TRPM1: variants seen among roughly 807,000 people sequenced by gnomAD.
TRPM1 encodes the protein TRPM1-203 APA Isoform, Intron 10.
A neutral mutation model predicts 149.4 loss-of-function variants in TRPM1; 113 were observed. The ratio of observed to expected loss-of-function variants is 0.76; its 90% CI spans 0.65 to 0.88. The LOEUF (loss-of-function observed/expected upper bound fraction) is 0.88. TRPM1 is among the 40% of genes least tolerant of loss of function. TRPM1 has a pLI of 0.00. For synonymous variants in TRPM1, 741 were observed against 759.5 expected (o/e 0.98, Z 0.40); for missense variants, 1,976 against 2,038.7 (o/e 0.97, Z 0.59).
chr15:31,030,372 C>T (rs1375238968), intron 23 of TRPM1, among the ~76,000 whole-genome samples: 1 of 152,156 alleles, frequency 6.6e-6, no homozygotes, highest in African/African-American at 2.4e-5. Flanking sequence ...AAATAGTGTA[C>T]AAGAACATTT....
intron 8 of TRPM1, 70 bp downstream of exon 8, chr15:31,063,048 T>C: frequency 6.3e-7 from 1 of 1,593,526 alleles, no homozygotes; most frequent in South Asian, 1.1e-5. Flanking sequence ...CAGACCACTT[T>C]AGATTTTCTC....
rs756735016 is a variant in TRPM1, at chr15:31,047,173, G to A, written c.1702C>T (p.Arg568Cys). The stretch of plus-strand genomic sequence containing the variant: ...AAGTTTTTCCGAGTGTAGTTGCAGC[G>A]GTAGGCTCCTCCCATGAGGTACTCC... ...VLEYLMGGAY[R>C]CNYTRKNFRT... is the part of the protein sequence containing the mutation. Residue 568 changes from arginine (R) to cysteine (C), a missense_variant, in exon 15 of 28, where the codon CGC becomes TGC. Around this residue, in one of 3 missense-constraint regions of TRPM1, gnomAD observed 1,332 missense variants for 1,347.1 expected, o/e 0.99. Coordinates refer to ENST00000256552, the MANE Select transcript of TRPM1 (RefSeq NM_001252024.2). The A allele has an allele frequency of 2.5e-6, 4 of 1,614,190 alleles. No homozygotes were observed. The highest frequency in any genetic ancestry group is 2.2e-5 in the South Asian group (2 of 91,084).
At chr15:31,007,603 A>G (rs1292604741) in intron 27 of TRPM1, among the ~76,000 whole-genome samples, 1 of 151,678 alleles carries the variant, frequency 6.6e-6, no homozygotes, top group African/African-American at 2.4e-5. Context: ...GGAGTTTGAG[A>G]CCAGCCTGGG....
chr15:31,109,604 G>C (rs541278741), intron 1 of TRPM1, among the ~76,000 whole-genome samples: 4 of 150,578 alleles, frequency 2.7e-5, no homozygotes, highest in Non-Finnish European at 4.4e-5. Flanking sequence ...GGAGGCTGAG[G>C]CAGGAGAATC....
At chr15:31,094,881 C>A (rs1054724324) in intron 1 of TRPM1, among the ~76,000 whole-genome samples, 1 of 152,066 alleles carries the variant, frequency 6.6e-6, no homozygotes, top group East Asian at 1.9e-4. Flanking sequence ...GGTATATACC[C>A]AAGAGAAATG....
At chr15:31,069,728 T>C in intron 4 of TRPM1, 1 of 1,425,742 alleles carries the variant, frequency 7.0e-7, no homozygotes, top group Non-Finnish European at 9.1e-7. Flanking sequence ...GAATTTGTCT[T>C]CCTTTACTGA....
chr15:31,009,780 T>A (rs1039253556), intron 27 of TRPM1, among the ~76,000 whole-genome samples: 6 of 152,232 alleles, frequency 3.9e-5, no homozygotes, highest in African/African-American at 1.4e-4. Flanking sequence ...TGTAATATCT[T>A]CAAGTTTACT....
intron 1 of TRPM1, among the ~76,000 whole-genome samples, chr15:31,142,752 G>A (rs1309827797): frequency 6.6e-6 from 1 of 151,920 alleles, no homozygotes; most frequent in Non-Finnish European, 1.5e-5. Flanking sequence ...ACTCCAGAAG[G>A]GCCCCTGGAA....
At chr15:31,140,511 G>A (rs2036148155) in intron 1 of TRPM1, among the ~76,000 whole-genome samples, 1 of 152,194 alleles carries the variant, frequency 6.6e-6, no homozygotes, top group Non-Finnish European at 1.5e-5. Flanking sequence ...GTGGTAATGA[G>A]TGAGTTCTTG....
At chr15:31,155,303 G>C (rs1472071396) in intron 1 of TRPM1, among the ~76,000 whole-genome samples, 1 of 152,212 alleles carries the variant, frequency 6.6e-6, no homozygotes. Context: ...CAGTTGCTCT[G>C]AAGAGTGGGA....
intron 1 of TRPM1, among the ~76,000 whole-genome samples, chr15:31,086,523 T>A (rs1017415525): frequency 6.6e-6 from 1 of 152,170 alleles, no homozygotes; most frequent in Non-Finnish European, 1.5e-5. Context: ...ACCAGGGACA[T>A]GATGTGCCCT....
chr15:31,139,196 G>A (rs2036127607), intron 1 of TRPM1, among the ~76,000 whole-genome samples: 1 of 152,182 alleles, frequency 6.6e-6, no homozygotes, highest in Admixed American at 6.5e-5. Flanking sequence ...AAAAAGGCAG[G>A]CATATCAGAA....
At position 31,041,935 on chromosome 15, in the gene TRPM1, C is replaced by G; in HGVS notation, c.2087+16G>C. 6.2e-7 allele frequency: 1 copy of G among 1,614,050 alleles called. No individual in the cohort carries two copies. Among genetic ancestry groups the G allele is most frequent in the Non-Finnish European group, 8.5e-7 (1 of 1,179,988 alleles). On this transcript the variant is annotated intron_variant, in intron 17 of 27. Coordinates refer to ENST00000256552, the MANE Select transcript of TRPM1 (RefSeq NM_001252024.2). ...GGTCATCTCTCCTGGCCTTTAAATC[C>G]CCGCTAGACACTAACTTGGAATTGT...
At chr15:31,102,884 G>C (rs1686300847), upstream of TRPM1, among the ~76,000 whole-genome samples, 2 of 152,238 alleles carry the variant, frequency 1.3e-5, no homozygotes, top group Admixed American at 1.3e-4. Context: ...CCCTGGCCTG[G>C]CTCCCGAGTC....
At chr15:31,088,439 A>G (rs942717608) in intron 1 of TRPM1, among the ~76,000 whole-genome samples, 2 of 152,212 alleles carry the variant, frequency 1.3e-5, no homozygotes, top group East Asian at 1.9e-4. Context: ...AAGAGCTGTA[A>G]CACTGACTGT....
At chr15:31,137,763 T>G (rs1303149346) in intron 1 of TRPM1, among the ~76,000 whole-genome samples, 1 of 152,148 alleles carries the variant, frequency 6.6e-6, no homozygotes, top group Non-Finnish European at 1.5e-5. Flanking sequence ...TTGCCTATAT[T>G]CTCAGAAGAA....
At chr15:31,074,307 C>T (rs534227343) in intron 3 of TRPM1, among the ~76,000 whole-genome samples, 36 of 152,144 alleles carry the variant, frequency 2.4e-4, no homozygotes, top group Non-Finnish European at 3.7e-4. Flanking sequence ...TAGAATTCAT[C>T]GAAAAAGCCA....
chr15:31,070,318 G>T, intron 3 of TRPM1, 92 bp from the exon 4 acceptor site: 1 of 1,243,842 alleles, frequency 8.0e-7, no homozygotes, highest in Non-Finnish European at 1.2e-6. Context: ...AGGTGAGTTG[G>T]GCCCAAACAG....
At chr15:31,158,202 T>A (rs1009730681) in intron 1 of TRPM1, among the ~76,000 whole-genome samples, 4 of 152,172 alleles carry the variant, frequency 2.6e-5, no homozygotes, top group South Asian at 2.1e-4. Flanking sequence ...TACAAGTTTT[T>A]GTAGGAGTTT....
Sources: gnomAD v4.1 joint callset for allele counts (sites outside exome capture counted in the v4.1 genomes callset) on GRCh38, gnomAD v4.1.1 for gene constraint, gnomAD v4.1.1 regional missense constraint, MANE v1.5 for transcripts, NCBI Gene and HGNC (gene_info 2026-07-23, HGNC 2026-07-21) for gene names.